STOX1: variants seen among roughly 807,000 people sequenced by gnomAD.
STOX1 encodes storkhead box 1, also known as storkhead-box protein 1.
A neutral mutation model predicts 74.8 loss-of-function variants in STOX1; 57 were observed. That is an observed-to-expected ratio of 0.76 (90% confidence interval 0.62 to 0.95). STOX1 has a LOEUF of 0.95. Among genes scored for constraint, STOX1 ranks in the 40% least tolerant of loss-of-function variants. The pLI is 0.00. For synonymous variants in STOX1, 375 were observed against 401.3 expected (o/e 0.93, Z 0.78); for missense variants, 1,010 against 1,117.0 (o/e 0.90, Z 1.37).
At position 68,885,516 on chromosome 10, in the gene STOX1, A is replaced by G; in HGVS notation, c.1720A>G (p.Ile574Val). The G allele has an allele frequency of 6.2e-7, 1 of 1,614,236 alleles. No homozygotes were observed. The highest frequency in any genetic ancestry group is 8.5e-7 in the Non-Finnish European group (1 of 1,180,052). ...CATAAATGACCCTACTGTCAAACCC[A>G]TCAATGATGACTTCAGAGGTCACCT... Reference protein sequence around the residue: ...IYINDPTVKPINDDFRGHLFS... With the variant: ...IYINDPTVKPVNDDFRGHLFS... Residue 574 changes from isoleucine to valine, a missense_variant, in exon 3 of 4, where the codon ATC becomes GTC. Coordinates refer to ENST00000298596, the MANE Select transcript of STOX1 (RefSeq NM_152709.5).
chr10:68,873,505 C>CA (rs1840590322), intron 1 of STOX1, among the ~76,000 whole-genome samples: 2 of 149,902 alleles, frequency 1.3e-5, no homozygotes, highest in Admixed American at 1.3e-4. Context: ...TCGTGATCCA[C>CA]CCGCCTCAGC....
At chr10:68,895,291 G>A (rs950473310), downstream of STOX1, 15 of 152,070 alleles carry the variant, frequency 9.9e-5, no homozygotes, top group South Asian at 6.2e-4. Context: ...ATCTAATTTT[G>A]CCACTGGATG....
chr10:68,828,246 G>C (rs1174983494), intron 1 of STOX1: 12 of 1,101,376 alleles, frequency 1.1e-5, no homozygotes, highest in Admixed American at 9.4e-5. Flanking sequence ...CGGCCGCCGC[G>C]CGGCTTCCGC....
At position 68,885,857 on chromosome 10, in the gene STOX1, A is replaced by G. The variant is rs1350034407; in HGVS notation, c.2061A>G (p.Gln687=). The part of the protein sequence containing the change: ...GVNPLRQAAR[Q]DKDSEELLRK... ...ACCCTTTAAGACAAGCTGCAAGACA[A>G]GACAAAGACTCAGAAGAATTATTGA... Residue 687 remains glutamine (Q), a synonymous_variant, in exon 3 of 4, where the codon CAA becomes CAG. Transcript: ENST00000298596. The G allele has an allele frequency of 6.2e-7, 1 of 1,614,012 alleles. No individual in the cohort carries two copies. Among genetic ancestry groups the G allele is most frequent in the Non-Finnish European group, 8.5e-7 (1 of 1,180,054 alleles).
chr10:68,842,914 C>G (rs939500470), intron 1 of STOX1, among the ~76,000 whole-genome samples: 8 of 152,202 alleles, frequency 5.3e-5, no homozygotes, highest in Admixed American at 1.3e-4. Flanking sequence ...ACCAAACGAG[C>G]CTTTGACTCC....
At chr10:68,844,920 G>A (rs1003413355) in intron 1 of STOX1, among the ~76,000 whole-genome samples, 131 of 151,364 alleles carry the variant, frequency 8.7e-4, no homozygotes, top group African/African-American at 3.1e-3. Flanking sequence ...ACACCACCAC[G>A]CCCAGCTAAT....
At chr10:68,883,042 G>A (rs73266497) in intron 2 of STOX1, among the ~76,000 whole-genome samples, 10,629 of 152,092 alleles carry the variant, frequency 0.07, 484 homozygotes, top group African/African-American at 0.12. Context: ...CCACAGGTGC[G>A]CACCACTCAT....
At chr10:68,867,778 T>C (rs1840445340) in intron 1 of STOX1, among the ~76,000 whole-genome samples, 1 of 152,244 alleles carries the variant, frequency 6.6e-6, no homozygotes, top group South Asian at 2.1e-4. Context: ...ACTATCCTTA[T>C]ATGCCTTTTT....
intron 1 of STOX1, among the ~76,000 whole-genome samples, chr10:68,876,822 C>A (rs1840692427): frequency 1.3e-5 from 2 of 152,190 alleles, no homozygotes; most frequent in South Asian, 4.1e-4. Flanking sequence ...ACCCAAAGGT[C>A]TGGCCTTCTC....
chr10:68,838,025 G>A (rs1338289199), intron 1 of STOX1, among the ~76,000 whole-genome samples: 1 of 150,630 alleles, frequency 6.6e-6, no homozygotes, highest in Non-Finnish European at 1.5e-5. Flanking sequence ...TCCTTTTGGT[G>A]ATGTTGTCAA....
chr10:68,873,646 T>C (rs574762262), intron 1 of STOX1, among the ~76,000 whole-genome samples: 18 of 143,172 alleles, frequency 1.3e-4, no homozygotes, highest in Middle Eastern at 3.5e-3. Context: ...TTCTTCTTTT[T>C]TTTTCTTTTT....
At chr10:68,855,368 G>C (rs911813692) in intron 1 of STOX1, among the ~76,000 whole-genome samples, 3 of 151,698 alleles carry the variant, frequency 2.0e-5, no homozygotes, top group African/African-American at 7.3e-5. Context: ...TGATCCTCCC[G>C]CCTTGGCCTC....
intron 1 of STOX1, among the ~76,000 whole-genome samples, chr10:68,841,226 T>A (rs1309495748): frequency 6.6e-6 from 1 of 152,250 alleles, no homozygotes; most frequent in Non-Finnish European, 1.5e-5. Flanking sequence ...CTTACAGGCA[T>A]GAGCCACCAT....
intron 1 of STOX1, among the ~76,000 whole-genome samples, chr10:68,829,319 C>G (rs1197201111): frequency 6.6e-6 from 1 of 152,292 alleles, no homozygotes; most frequent in South Asian, 2.1e-4. Context: ...AGTTCAAGAC[C>G]AGTCTGGCTA....
chr10:68,839,991 A>G (rs1839653481), intron 1 of STOX1, among the ~76,000 whole-genome samples: 2 of 152,226 alleles, frequency 1.3e-5, no homozygotes, highest in Admixed American at 1.3e-4. Flanking sequence ...ACACAGATAT[A>G]TACAGCAATG....
intron 1 of STOX1, among the ~76,000 whole-genome samples, chr10:68,872,376 G>A (rs867402693): frequency 1.7e-4 from 19 of 113,326 alleles, no homozygotes; most frequent in Middle Eastern, 5.7e-3. Context: ...ACAGAGTTTC[G>A]CTTTTGTCAT....
intron 1 of STOX1, among the ~76,000 whole-genome samples, chr10:68,872,776 C>T (rs866444780): frequency 4.6e-5 from 7 of 151,936 alleles, no homozygotes; most frequent in African/African-American, 1.7e-4. Context: ...AGATTAGTAG[C>T]ACAGTCTTTC....
intron 1 of STOX1, among the ~76,000 whole-genome samples, chr10:68,834,655 A>G (rs549467767): frequency 1.3e-5 from 2 of 152,354 alleles, no homozygotes; most frequent in African/African-American, 4.8e-5. Context: ...TACCCCAGAA[A>G]GTTCCCTCCT....
At chr10:68,882,482 TCATAA>T (rs1840833575) in intron 2 of STOX1, among the ~76,000 whole-genome samples, 1 of 151,962 alleles carries the variant, frequency 6.6e-6, no homozygotes, top group South Asian at 2.1e-4. Context: ...AATAAATTTT[TCATAA>T]CATAAATTGG....
Sources: allele counts gnomAD v4.1 joint callset (sites outside exome capture counted in the v4.1 genomes callset), GRCh38; gene constraint gnomAD v4.1.1; transcripts MANE v1.5; gene names NCBI Gene and HGNC (gene_info 2026-07-23, HGNC 2026-07-21).